Variants in RANBP2 observed in about 807,000 individuals in gnomAD.
The protein encoded by RANBP2 is E3 SUMO-protein ligase RanBP2.
A neutral mutation model predicts 303.6 loss-of-function variants in RANBP2; 57 were observed. The observed-to-expected ratio is 0.19, with a 90% CI of 0.15 to 0.23. The LOEUF (loss-of-function observed/expected upper bound fraction) is 0.23. Ranked by LOEUF, RANBP2 falls within the 10% of genes least tolerant of loss-of-function variation. RANBP2 has a pLI of 1.00. For missense variants in RANBP2, 3,138 were observed against 3,780.8 expected, an observed-to-expected ratio of 0.83 and a Z score of 4.46; for synonymous variants, 1,167 against 1,301.5, an observed-to-expected ratio of 0.90 and a Z score of 2.23.
At chr2:109,585,012 G>A in the RANBP2 span, 1 of 480,650 alleles carries the variant, frequency 2.1e-6, no homozygotes, top group Non-Finnish European at 3.6e-6. Context: ...AACAATGTGT[G>A]GAAGGAAAGG....
chr2:109,338,131 G>A, the RANBP2 span, among the ~76,000 whole-genome samples: 2 of 152,136 alleles, frequency 1.3e-5, no homozygotes, highest in Non-Finnish European at 2.9e-5. Context: ...TTCCCGAGTC[G>A]GAAGTTATTT....
the RANBP2 span, among the ~76,000 whole-genome samples, chr2:108,962,391 C>T: frequency 2.6e-5 from 4 of 152,052 alleles, no homozygotes; most frequent in East Asian, 3.9e-4. Context: ...GGAACACAAT[C>T]GGCCAGACGC....
chr2:109,142,630 G>A, the RANBP2 span, among the ~76,000 whole-genome samples: 56 of 152,262 alleles, frequency 3.7e-4, no homozygotes, highest in African/African-American at 1.3e-3. Flanking sequence ...GGGGCAGAAC[G>A]CCTCTGCTTG....
chr2:109,276,242 G>A, the RANBP2 span, among the ~76,000 whole-genome samples: 2 of 152,218 alleles, frequency 1.3e-5, no homozygotes, highest in Non-Finnish European at 2.9e-5. Flanking sequence ...CCTGGAGGTG[G>A]CATACGCTCA....
At chr2:108,985,646 G>A in the RANBP2 span, among the ~76,000 whole-genome samples, 3 of 152,336 alleles carry the variant, frequency 2.0e-5, no homozygotes, top group South Asian at 4.1e-4. Flanking sequence ...ACATGTGTCT[G>A]CTCCTTCCTG....
the RANBP2 span, among the ~76,000 whole-genome samples, chr2:109,466,567 C>T: frequency 6.6e-6 from 1 of 152,196 alleles, no homozygotes; most frequent in Admixed American, 6.5e-5. Flanking sequence ...TTTCAGAGCA[C>T]AAGTTGTTAA....
chr2:109,316,834 C>T, the RANBP2 span, among the ~76,000 whole-genome samples: 1 of 152,198 alleles, frequency 6.6e-6, no homozygotes, highest in Non-Finnish European at 1.5e-5. Context: ...CTCTGGCTGC[C>T]GTGGGTCTTT....
chr2:109,694,801 ATGTGTGTGTGTG>A, the RANBP2 span, among the ~76,000 whole-genome samples: 34 of 146,220 alleles, frequency 2.3e-4, no homozygotes, highest in Admixed American at 8.9e-4. Flanking sequence ...ATCCATAGGG[ATGTGTGTGTGTG>A]TGTGTGTGTG....
the RANBP2 span, among the ~76,000 whole-genome samples, chr2:109,225,260 G>C: frequency 1.3e-4 from 20 of 152,324 alleles, no homozygotes; most frequent in Admixed American, 1.3e-3. Flanking sequence ...AATAAAGAAG[G>C]CTTATTAAAC....
At chr2:108,722,551 G>A (rs1694350236) in intron 1 of RANBP2, among the ~76,000 whole-genome samples, 1 of 151,136 alleles carries the variant, frequency 6.6e-6, no homozygotes, top group African/African-American at 2.5e-5. Flanking sequence ...TGATGCGTCT[G>A]TATATCATAT....
the RANBP2 span, among the ~76,000 whole-genome samples, chr2:109,678,005 T>C: frequency 3.4e-4 from 52 of 152,326 alleles, 1 homozygote; most frequent in East Asian, 2.9e-3. Flanking sequence ...CATCAGGCAG[T>C]GCACCCGTGG....
the RANBP2 span, among the ~76,000 whole-genome samples, chr2:109,063,813 CA>C: frequency 6.7e-6 from 1 of 150,354 alleles, no homozygotes; most frequent in Non-Finnish European, 1.5e-5. Flanking sequence ...AAAAAAAAAA[CA>C]AAAAAACAAC....
At chr2:109,437,826 G>C in the RANBP2 span, among the ~76,000 whole-genome samples, 1 of 152,222 alleles carries the variant, frequency 6.6e-6, no homozygotes, top group Non-Finnish European at 1.5e-5. Context: ...TGGTGGCTTA[G>C]TGTTGAGCTA....
chr2:109,235,700 A>T, the RANBP2 span, among the ~76,000 whole-genome samples: 6 of 152,234 alleles, frequency 3.9e-5, no homozygotes, highest in Non-Finnish European at 8.8e-5. Flanking sequence ...TAAAGATTGA[A>T]GGTGTGCAGT....
chr2:109,531,272 C>T, the RANBP2 span, among the ~76,000 whole-genome samples: 3 of 152,172 alleles, frequency 2.0e-5, no homozygotes, highest in African/African-American at 7.2e-5. Flanking sequence ...TGAAAACATC[C>T]CACTCTACAG....
chr2:109,175,636 A>G, the RANBP2 span, among the ~76,000 whole-genome samples: 1 of 152,154 alleles, frequency 6.6e-6, no homozygotes, highest in South Asian at 2.1e-4. Flanking sequence ...CTCAGTGGAA[A>G]CCTTATTTTT....
At chr2:109,673,019 T>C in the RANBP2 span, among the ~76,000 whole-genome samples, 2 of 152,346 alleles carry the variant, frequency 1.3e-5, no homozygotes, top group Non-Finnish European at 2.9e-5. Context: ...TTGAGATATA[T>C]AGAGTTAGAA....
At chr2:109,294,782 C>A in the RANBP2 span, among the ~76,000 whole-genome samples, 1 of 152,074 alleles carries the variant, frequency 6.6e-6, no homozygotes, top group Non-Finnish European at 1.5e-5. Flanking sequence ...GGGAGGATGG[C>A]TCCAAGTGAG....
At chr2:109,632,142 C>T in the RANBP2 span, among the ~76,000 whole-genome samples, 1 of 152,156 alleles carries the variant, frequency 6.6e-6, no homozygotes, top group Non-Finnish European at 1.5e-5. Flanking sequence ...TGTTGATGTG[C>T]CAGGACGTGA....
Sources: gnomAD v4.1 joint callset for allele counts (sites outside exome capture counted in the v4.1 genomes callset) on GRCh38, gnomAD v4.1.1 for gene constraint, MANE v1.5 for transcripts, NCBI Gene and HGNC (gene_info 2026-07-23, HGNC 2026-07-21) for gene names.